Variants in RPH3A observed in about 807,000 individuals in gnomAD.
RPH3A encodes the protein rabphilin 3A, also known as rabphilin-3A.
RPH3A carries 48 observed loss-of-function variants against 102.2 expected under a neutral mutation model. The observed-to-expected ratio is 0.47, with a 90% CI of 0.37 to 0.60. RPH3A has a LOEUF of 0.60. Ranked by LOEUF, RPH3A falls within the 20% of genes least tolerant of loss-of-function variation. The pLI is 0.00. For synonymous variants in RPH3A, 310 were observed against 324.3 expected (o/e 0.96, Z 0.47); for missense variants, 781 against 910.1 (o/e 0.86, Z 1.83).
chr12:112,860,599 G>A lies in RPH3A; in HGVS notation c.231-4815G>A, dbSNP rs145730071. Among the ~76,000 whole-genome samples, 221 of 152,298 alleles carry A rather than the reference G, an allele frequency of 1.5e-3. 2 individuals carry two copies. Among genetic ancestry groups the A allele is most frequent in the African/African-American group, 5.2e-3 (216 of 41,564 alleles). ...TTTAAGTTTCCTTAAAGCACACTGCGGTTTAGAATTGGATTTGTCCCACGC... is the reference window on the plus strand; with the variant it reads ...TTTAAGTTTCCTTAAAGCACACTGCAGTTTAGAATTGGATTTGTCCCACGC... On this transcript the variant is annotated intron_variant, in intron 5 of 21. Coordinates refer to ENST00000389385, the MANE Select transcript of RPH3A (RefSeq NM_001143854.2).
At chr12:112,581,331 G>A (rs1260755737) in intron 1 of RPH3A, among the ~76,000 whole-genome samples, 6 of 152,064 alleles carry the variant, frequency 3.9e-5, no homozygotes, top group African/African-American at 9.7e-5. Context: ...ATCAGACCTC[G>A]TGAGGCTTAT....
chr12:112,789,828 G>T (rs534673202), upstream of RPH3A, among the ~76,000 whole-genome samples: 55 of 147,554 alleles, frequency 3.7e-4, no homozygotes, highest in African/African-American at 1.4e-3. Context: ...GAGGCAGGTG[G>T]TTCATTTGAG....
At chr12:112,821,090 G>A (rs922673814) in intron 2 of RPH3A, among the ~76,000 whole-genome samples, 4 of 152,170 alleles carry the variant, frequency 2.6e-5, no homozygotes, top group Non-Finnish European at 4.4e-5. Flanking sequence ...CCGTCTGGAC[G>A]GGACTGGATG....
intron 4 of RPH3A, among the ~76,000 whole-genome samples, chr12:112,845,491 G>A (rs1329467364): frequency 6.6e-6 from 1 of 152,194 alleles, no homozygotes; most frequent in African/African-American, 2.4e-5. Flanking sequence ...AGGGCCTCGG[G>A]AGGTACCTGT....
intron 21 of RPH3A, among the ~76,000 whole-genome samples, chr12:112,896,098 T>TG (rs2043175175): frequency 6.6e-6 from 1 of 152,328 alleles, no homozygotes; most frequent in African/African-American, 2.4e-5. Flanking sequence ...TCACCTCCAG[T>TG]GGGGTAATTA....
intron 2 of RPH3A, among the ~76,000 whole-genome samples, chr12:112,827,226 G>A (rs2041893013): frequency 6.6e-6 from 1 of 152,066 alleles, no homozygotes; most frequent in African/African-American, 2.4e-5. Context: ...ACCTCCCCCA[G>A]CCTGGGCAAC....
chr12:112,684,559 C>T (rs748539781), intron 1 of RPH3A, among the ~76,000 whole-genome samples: 1 of 152,150 alleles, frequency 6.6e-6, no homozygotes, highest in Non-Finnish European at 1.5e-5. Flanking sequence ...TGAGCAACCA[C>T]ACCTGGCCGA....
chr12:112,700,157 C>T (rs1042095810), intron 1 of RPH3A, among the ~76,000 whole-genome samples: 3 of 151,946 alleles, frequency 2.0e-5, no homozygotes, highest in Non-Finnish European at 4.4e-5. Context: ...GCAACCTCCG[C>T]CTCTCGGGTT....
At chr12:112,767,101 G>T (rs534636950) in intron 1 of RPH3A, among the ~76,000 whole-genome samples, 72 of 152,298 alleles carry the variant, frequency 4.7e-4, no homozygotes, top group African/African-American at 1.7e-3. Flanking sequence ...CCTCACTCAT[G>T]CAAAGATGGC....
chr12:112,716,014 T>A (rs1210362457), intron 1 of RPH3A, among the ~76,000 whole-genome samples: 1 of 152,232 alleles, frequency 6.6e-6, no homozygotes, highest in Non-Finnish European at 1.5e-5. Flanking sequence ...GCCATGGCAT[T>A]TGTAAACTGT....
intron 2 of RPH3A, among the ~76,000 whole-genome samples, chr12:112,810,732 T>C (rs1181321470): frequency 2.6e-5 from 4 of 152,232 alleles, no homozygotes; most frequent in African/African-American, 9.6e-5. Flanking sequence ...TATCCCATTA[T>C]CTGCCCCTTG....
chr12:112,871,917 T>A (rs1367802320), intron 10 of RPH3A, among the ~76,000 whole-genome samples: 1 of 151,156 alleles, frequency 6.6e-6, no homozygotes, highest in Non-Finnish European at 1.5e-5. Context: ...TATATATATA[T>A]TATATATACT....
chr12:112,887,907 T>G lies in RPH3A; in HGVS notation c.1547T>G (p.Leu516Arg), dbSNP rs754697564. The change falls in exon 17 of 22, where the codon CTG becomes CGG. Residue 516 changes from leucine (L) to arginine (R), a missense_variant. Physicochemically the swap from Leu to Arg is moderately radical, Grantham distance 102. This residue lies in a region of RPH3A where 730 missense variants were observed against 810.0 expected (regional missense o/e 0.90). Coordinates refer to ENST00000389385, the MANE Select transcript of RPH3A (RefSeq NM_001143854.2). Reference protein sequence around the residue: ...PNQRKNFNICLERVIPMKRAG... With the variant: ...PNQRKNFNICRERVIPMKRAG... ...CAGAGGAAGAATTTCAACATCTGCC[T>G]GGAGCGAGTGATTCCTGTGAGTGAC... is the stretch of plus-strand genomic sequence containing the variant. 6.2e-7 allele frequency: 1 copy of G among 1,613,646 alleles called. No individual in the cohort carries two copies. Among genetic ancestry groups the G allele is most frequent in the Non-Finnish European group, 8.5e-7 (1 of 1,179,616 alleles).
In RPH3A at chr12:112,866,867, CT is replaced by C. The variant is rs368912323; in HGVS notation, c.444+28del. On this transcript the variant is annotated intron_variant, in intron 7 of 21. Transcript: ENST00000389385. ...TGAGTGCCCTGGTCCCACCTGGTGC[CT>C]AGATCACCCTCCTTTCTTGGCCAGC... is the stretch of plus-strand genomic sequence containing the variant. 531 of 1,565,838 alleles carry C rather than the reference CT, an allele frequency of 3.4e-4. 2 individuals carry two copies. The East Asian group carries it at 8.6e-3, about 25-fold the overall frequency.
At chr12:112,757,397 A>G (rs11066400) in intron 1 of RPH3A, among the ~76,000 whole-genome samples, 12,691 of 152,208 alleles carry the variant, frequency 0.083, 1,397 homozygotes, top group African/African-American at 0.25. Flanking sequence ...AGGACATTCA[A>G]TGGGAGTGGA....
At chr12:112,762,393 C>T (rs530921673) in intron 1 of RPH3A, among the ~76,000 whole-genome samples, 51 of 152,280 alleles carry the variant, frequency 3.3e-4, no homozygotes, top group Admixed American at 9.8e-4. Context: ...AGACTAATTT[C>T]CTATTTCTTT....
At chr12:112,799,617 T>C (rs1462296108) in intron 2 of RPH3A, among the ~76,000 whole-genome samples, 1 of 152,122 alleles carries the variant, frequency 6.6e-6, no homozygotes, top group Non-Finnish European at 1.5e-5. Flanking sequence ...ATGGACTATC[T>C]AGACACACAA....
chr12:112,601,806 C>A (rs538565964), intron 1 of RPH3A, among the ~76,000 whole-genome samples: 1 of 152,122 alleles, frequency 6.6e-6, no homozygotes, highest in Non-Finnish European at 1.5e-5. Context: ...GTGGCACACA[C>A]CTGTGTAGAC....
chr12:112,860,495 G>C (rs1296177517), intron 5 of RPH3A, among the ~76,000 whole-genome samples: 1 of 152,188 alleles, frequency 6.6e-6, no homozygotes, highest in African/African-American at 2.4e-5. Flanking sequence ...CAGGCAATAG[G>C]TGGGGAGGCT....
Sources: allele counts gnomAD v4.1 joint callset (sites outside exome capture counted in the v4.1 genomes callset), GRCh38; gene constraint gnomAD v4.1.1; regional missense constraint gnomAD v4.1.1; transcripts MANE v1.5; gene names NCBI Gene and HGNC (gene_info 2026-07-23, HGNC 2026-07-21).